Variants in PRR16 observed in about 807,000 individuals in gnomAD.
PRR16 encodes protein Largen.
Under a neutral mutation model 18.2 loss-of-function variants are expected in PRR16, and 6 were observed. That is an observed-to-expected ratio of 0.33 (90% CI 0.18 to 0.65). The LOEUF is 0.65. Ranked by LOEUF, PRR16 falls within the 30% of genes least tolerant of loss-of-function variation. The pLI, the probability that PRR16 is intolerant of heterozygous loss-of-function variation, is 0.74. For synonymous variants in PRR16, 151 were observed against 147.8 expected (o/e 1.02, Z -0.16); for missense variants, 412 against 376.6 (o/e 1.09, Z -0.78).
chr5:120,776,497 A>G, the PRR16 span, among the ~76,000 whole-genome samples: 1 of 152,154 alleles, frequency 6.6e-6, no homozygotes. Flanking sequence ...GAAAAGTTCA[A>G]TATGAGCTCT....
intron 1 of PRR16, among the ~76,000 whole-genome samples, chr5:120,564,565 C>G (rs941020812): frequency 6.6e-6 from 1 of 152,142 alleles, no homozygotes; most frequent in East Asian, 1.9e-4. Flanking sequence ...GGAAAGTTCC[C>G]CAGTCACTGT....
chr5:120,765,380 G>A, the PRR16 span, among the ~76,000 whole-genome samples: 1 of 151,986 alleles, frequency 6.6e-6, no homozygotes, highest in Non-Finnish European at 1.5e-5. Flanking sequence ...GTTGATTTTG[G>A]ACTGTGACAG....
chr5:120,473,847 T>C (rs1749350661), intron 1 of PRR16, among the ~76,000 whole-genome samples: 1 of 152,122 alleles, frequency 6.6e-6, no homozygotes, highest in Admixed American at 6.6e-5. Context: ...TAATAGAAGA[T>C]TATAATGGGA....
chr5:120,711,826 C>T, the PRR16 span, among the ~76,000 whole-genome samples: 7 of 152,152 alleles, frequency 4.6e-5, no homozygotes, highest in African/African-American at 1.4e-4. Context: ...AGATAACTTA[C>T]ACTTCTCTTT....
chr5:120,474,676 A>G (rs763583137), intron 1 of PRR16, among the ~76,000 whole-genome samples: 1 of 151,860 alleles, frequency 6.6e-6, no homozygotes, highest in Non-Finnish European at 1.5e-5. Context: ...CTTTAAAAAT[A>G]TGCCTTCCAA....
the PRR16 span, among the ~76,000 whole-genome samples, chr5:120,754,513 ATATAT>A: frequency 1.3e-4 from 9 of 71,176 alleles, no homozygotes; most frequent in South Asian, 2.8e-3. Context: ...TATGTATATT[ATATAT>A]TATATATTAT....
At chr5:120,580,976 T>A (rs991709433) in intron 1 of PRR16, among the ~76,000 whole-genome samples, 2 of 152,186 alleles carry the variant, frequency 1.3e-5, no homozygotes, top group African/African-American at 4.8e-5. Context: ...GATATTGGCC[T>A]GAAGTATTTT....
the PRR16 span, among the ~76,000 whole-genome samples, chr5:120,769,731 G>A: frequency 2.1e-4 from 32 of 151,908 alleles, no homozygotes; most frequent in African/African-American, 6.5e-4. Context: ...GCCCAGAAGC[G>A]GAATTGCTGG....
intron 1 of PRR16, among the ~76,000 whole-genome samples, chr5:120,487,660 A>G (rs4340940): frequency 3.3e-5 from 5 of 152,084 alleles, no homozygotes; most frequent in African/African-American, 1.2e-4. Context: ...GCCTCATTGC[A>G]CTGGTCAGAA....
At chr5:120,731,940 C>T in the PRR16 span, among the ~76,000 whole-genome samples, 2 of 152,186 alleles carry the variant, frequency 1.3e-5, no homozygotes, top group East Asian at 3.9e-4. Context: ...CTGAACATAG[C>T]TGGCAAGACA....
At chr5:120,594,372 A>G (rs538131538) in intron 1 of PRR16, among the ~76,000 whole-genome samples, 40 of 152,086 alleles carry the variant, frequency 2.6e-4, no homozygotes, top group Non-Finnish European at 5.0e-4. Flanking sequence ...ACAAAAAAAT[A>G]ATAGTAATAA....
intron 1 of PRR16, among the ~76,000 whole-genome samples, chr5:120,572,126 T>C (rs1752927599): frequency 6.6e-6 from 1 of 152,100 alleles, no homozygotes; most frequent in Non-Finnish European, 1.5e-5. Context: ...TCTCGTACTG[T>C]ATTGGTCAAA....
At chr5:120,543,550 A>C (rs1206272059) in intron 1 of PRR16, among the ~76,000 whole-genome samples, 4 of 152,202 alleles carry the variant, frequency 2.6e-5, no homozygotes, top group African/African-American at 9.6e-5. Flanking sequence ...TCAATTGAAC[A>C]TACACTTGGA....
chr5:120,659,237 T>C (rs888270215), intron 1 of PRR16, among the ~76,000 whole-genome samples: 2 of 152,030 alleles, frequency 1.3e-5, no homozygotes, highest in African/African-American at 4.8e-5. Context: ...TTTTATTCTA[T>C]TTCTTTGTTG....
intron 1 of PRR16, among the ~76,000 whole-genome samples, chr5:120,630,921 T>C (rs1264485758): frequency 1.3e-5 from 2 of 152,202 alleles, no homozygotes; most frequent in Non-Finnish European, 2.9e-5. Flanking sequence ...CTAGTCTAGC[T>C]AGACTAGTAA....
At chr5:120,749,083 G>C in the PRR16 span, among the ~76,000 whole-genome samples, 6 of 152,074 alleles carry the variant, frequency 3.9e-5, no homozygotes, top group South Asian at 1.2e-3. Flanking sequence ...TTTAATTATA[G>C]ATAACATGTA....
intron 1 of PRR16, among the ~76,000 whole-genome samples, chr5:120,475,851 T>C (rs1175081476): frequency 6.6e-6 from 1 of 152,182 alleles, no homozygotes; most frequent in Non-Finnish European, 1.5e-5. Flanking sequence ...CCCTGCCGTC[T>C]TGGAACTTAT....
At chr5:120,788,227 GT>G in the PRR16 span, among the ~76,000 whole-genome samples, 1 of 151,802 alleles carries the variant, frequency 6.6e-6, no homozygotes, top group Non-Finnish European at 1.5e-5. Context: ...CAAGAAATAA[GT>G]TTTTTGTATC....
chr5:120,647,994 G>A (rs1374777922), intron 1 of PRR16, among the ~76,000 whole-genome samples: 1 of 151,942 alleles, frequency 6.6e-6, no homozygotes, highest in African/African-American at 2.4e-5. Flanking sequence ...GGAAAGGAAT[G>A]GGTTAGCAAT....
Sources: allele counts gnomAD v4.1 joint callset (sites outside exome capture counted in the v4.1 genomes callset), GRCh38; gene constraint gnomAD v4.1.1; transcripts MANE v1.5; gene names NCBI Gene and HGNC (gene_info 2026-07-23, HGNC 2026-07-21).